Variants in MICAL2 observed in about 807,000 individuals in gnomAD.
MICAL2 encodes microtubule associated monooxygenase, calponin and LIM domain containing 2, also known as [F-actin]-monooxygenase MICAL2.
In MICAL2, 77 loss-of-function variants were observed where a neutral mutation model predicts 127.3. That is an observed-to-expected ratio of 0.60 (90% confidence interval 0.50 to 0.73). The LOEUF (loss-of-function observed/expected upper bound fraction) is 0.73. Ranked by LOEUF, MICAL2 falls within the 30% of genes least tolerant of loss-of-function variation. The pLI is 0.00. For synonymous variants in MICAL2, 570 were observed against 551.1 expected, an observed-to-expected ratio of 1.03 and a Z score of -0.48; for missense variants, 1,351 against 1,434.4, an observed-to-expected ratio of 0.94 and a Z score of 0.94.
At chr11:12,131,833 C>A in intron 1 of MICAL2, among the ~76,000 whole-genome samples, 1 of 152,060 alleles carries the variant, frequency 6.6e-6, no homozygotes, top group South Asian at 2.1e-4. Context: ...ATTGAGGATG[C>A]GAAGCCTACT....
chr11:12,264,119 C>T (rs751708258), downstream of MICAL2, among the ~76,000 whole-genome samples: 5 of 152,154 alleles, frequency 3.3e-5, no homozygotes, highest in Non-Finnish European at 5.9e-5. Flanking sequence ...TACCCGTTTC[C>T]CCCGCACACC....
chr11:12,294,668 G>C, downstream of MICAL2: 1 of 1,614,170 alleles, frequency 6.2e-7, no homozygotes, highest in South Asian at 1.1e-5. Flanking sequence ...TTTCCTCCAA[G>C]AATCCAGACA....
At chr11:12,222,801 T>G in intron 11 of MICAL2, 58 bp downstream of exon 11, 31 of 1,598,660 alleles carry the variant, frequency 1.9e-5, no homozygotes, top group Non-Finnish European at 2.4e-5. Context: ...TGGGAAGAGG[T>G]GGTGGGGAGG....
intron 29 of MICAL2, among the ~76,000 whole-genome samples, chr11:12,308,512 GT>G (rs1377045914): frequency 2.6e-5 from 4 of 152,182 alleles, no homozygotes; most frequent in African/African-American, 9.6e-5. Flanking sequence ...ACTATTTCAT[GT>G]TTTTGTTGCC....
rs749571559 is a variant in MICAL2 at position 12,190,315 on chromosome 11, C to T, written c.265-13935C>T. Among the ~76,000 whole-genome samples the T allele has an allele frequency of 1.2e-4, 18 of 152,124 alleles. 1 individual carries two copies. The highest frequency in any genetic ancestry group is 2.1e-4 in the South Asian group (1 of 4,816). ...AGAATCAGGGTTTTGGACTCTCCTACGTAACCATCTTCTGTGGGTTGGATA... is the reference window on the plus strand; with the variant it reads ...AGAATCAGGGTTTTGGACTCTCCTATGTAACCATCTTCTGTGGGTTGGATA... On this transcript the variant is annotated intron_variant, in intron 3 of 27. Coordinates refer to ENST00000683283, the MANE Select transcript of MICAL2 (RefSeq NM_001282663.2).
rs887609400 is a variant in MICAL2 at position 12,242,314 on chromosome 11, C to A, written c.2438C>A (p.Ser813Tyr). The A allele has an allele frequency of 6.2e-7, 1 of 1,614,070 alleles. No homozygotes were observed. The change falls in exon 19 of 28, where the codon TCT (serine) becomes TAT (tyrosine). Residue 813 changes from serine to tyrosine, a missense_variant. Ser to Tyr is a moderately radical substitution (Grantham distance 144). This residue lies in a region of MICAL2 where 752 missense variants were observed against 719.4 expected (regional missense o/e 1.05). Coordinates refer to ENST00000683283, the MANE Select transcript of MICAL2 (RefSeq NM_001282663.2). ...LSRPWRARAKSDLQLGGTENF... is the reference protein window; with the variant it reads ...LSRPWRARAKYDLQLGGTENF... ...AGACCTTGGAGAGCCAGAGCCAAGT[C>A]TGACCTACAGCTGGGTGGGACAGAA...
rs1207260993 is a variant in MICAL2 at position 12,151,886 on chromosome 11, G to A, written c.-77-10193G>A. Among the ~76,000 whole-genome samples the A allele has an allele frequency of 2.6e-5, 4 of 152,158 alleles. No homozygotes were observed. The East Asian group carries it at 7.7e-4, about 29-fold the overall frequency. On this transcript the variant is annotated intron_variant, in intron 2 of 27. Transcript: ENST00000683283. Reference sequence around the variant, plus strand: ...CCACAACACCCACCAAGGCTCCAAAGACACCTCTCAGCTTAGCTTTCACTG... The same window carrying A: ...CCACAACACCCACCAAGGCTCCAAAAACACCTCTCAGCTTAGCTTTCACTG...
At chr11:12,198,416 C>T (rs915813657) in intron 3 of MICAL2, among the ~76,000 whole-genome samples, 5 of 152,172 alleles carry the variant, frequency 3.3e-5, no homozygotes, top group African/African-American at 1.2e-4. Context: ...CAGCCAGGTC[C>T]CTATTGCAAG....
At position 12,223,502 on chromosome 11, in the gene MICAL2, G is replaced by C; in HGVS notation, c.1540+1G>C. 1 of 1,613,318 alleles carries C rather than the reference G, an allele frequency of 6.2e-7. No individual in the cohort carries two copies. The highest frequency in any genetic ancestry group is 8.5e-7 in the Non-Finnish European group (1 of 1,179,642). ...AGATCTGTCAACCTCTCCAGGAAGG[G>C]TAAGCGGCCCTCCTGGGACCCTGGT... On this transcript the variant is annotated splice_donor_variant, in intron 12 of 27. Transcript: ENST00000683283. LOFTEE classifies it high-confidence loss of function.
intron 3 of MICAL2, among the ~76,000 whole-genome samples, chr11:12,199,255 A>G (rs1190750233): frequency 6.6e-6 from 1 of 152,174 alleles, no homozygotes; most frequent in African/African-American, 2.4e-5. Context: ...GGTAGTTGCA[A>G]GGATGAAACA....
chr11:12,214,440 T>G lies in MICAL2; in HGVS notation c.847+1030T>G, dbSNP rs184706797. ...AAATCGCAGTGTCCACACTCTTTAG[T>G]CAGCTTTTCTCATTCAGTGTCACAT... On this transcript the variant is annotated intron_variant, in intron 7 of 27. Transcript: ENST00000683283. Among the ~76,000 whole-genome samples the G allele has an allele frequency of 1.9e-3, 289 of 152,324 alleles. 2 individuals carry two copies. The highest frequency in any genetic ancestry group is 3.0e-3 in the Non-Finnish European group (201 of 68,030).
intron 32 of MICAL2, among the ~76,000 whole-genome samples, chr11:12,344,279 G>C (rs1189947032): frequency 6.6e-6 from 1 of 152,040 alleles, no homozygotes; most frequent in Non-Finnish European, 1.5e-5. Context: ...CTGGGTGACA[G>C]GGTGAGATTC....
upstream of MICAL2, among the ~76,000 whole-genome samples, chr11:12,272,725 A>G (rs144101041): frequency 3.8e-4 from 58 of 152,236 alleles, 2 homozygotes; most frequent in East Asian, 8.1e-3. Flanking sequence ...GCCCCAAGGG[A>G]TTGACTGGGT....
intron 24 of MICAL2, among the ~76,000 whole-genome samples, chr11:12,269,880 A>G (rs1036598994): frequency 6.6e-6 from 1 of 152,212 alleles, no homozygotes; most frequent in African/African-American, 2.4e-5. Context: ...GAGTACAGCA[A>G]GGCAGGACAG....
chr11:12,244,242 C>G, intron 21 of MICAL2, 130 bp downstream of exon 21: 1 of 1,263,226 alleles, frequency 7.9e-7, no homozygotes, highest in South Asian at 1.3e-5. Flanking sequence ...TATTTTACAC[C>G]AGTGCTGGAT....
intron 34 of MICAL2, among the ~76,000 whole-genome samples, chr11:12,356,041 A>G (rs896714632): frequency 1.6e-4 from 24 of 152,204 alleles, no homozygotes; most frequent in African/African-American, 5.1e-4. Flanking sequence ...GTTCTAACTG[A>G]TATCTGATTT....
At chr11:12,331,459 G>A (rs1465077143) in intron 32 of MICAL2, among the ~76,000 whole-genome samples, 1 of 152,138 alleles carries the variant, frequency 6.6e-6, no homozygotes, top group Non-Finnish European at 1.5e-5. Flanking sequence ...AAATTAGGAT[G>A]CACAAAGTGC....
chr11:12,257,771 A>C (rs1173148599), intron 24 of MICAL2, among the ~76,000 whole-genome samples: 1 of 152,190 alleles, frequency 6.6e-6, no homozygotes, highest in East Asian at 1.9e-4. Context: ...TTCCTATGTA[A>C]GTGTCCCCTA....
intron 31 of MICAL2, among the ~76,000 whole-genome samples, chr11:12,325,394 G>A (rs1275608397): frequency 2.0e-5 from 3 of 152,316 alleles, no homozygotes; most frequent in East Asian, 3.9e-4. Context: ...ACTGGTGTGA[G>A]CCACCGTGCC....
Sources: allele counts gnomAD v4.1 joint callset (sites outside exome capture counted in the v4.1 genomes callset), GRCh38; gene constraint gnomAD v4.1.1; regional missense constraint gnomAD v4.1.1; transcripts MANE v1.5; gene names NCBI Gene and HGNC (gene_info 2026-07-23, HGNC 2026-07-21).